The following RASAL2 variants were observed in gnomAD, a reference collection of about 807,000 sequenced individuals.
The protein encoded by RASAL2 is RAS protein activator like 2, also known as ras GTPase-activating protein nGAP.
In RASAL2, 58 loss-of-function variants were observed where a neutral mutation model predicts 128.9. The observed-to-expected ratio is 0.45, with a 90% CI of 0.36 to 0.56. The LOEUF is 0.56. RASAL2 is among the 20% of genes least tolerant of loss of function. The pLI, the probability that RASAL2 is intolerant of heterozygous loss-of-function variation, is 0.00. For synonymous variants in RASAL2, 561 were observed against 580.8 expected, an observed-to-expected ratio of 0.97 and a Z score of 0.49; for missense variants, 1,360 against 1,601.6, an observed-to-expected ratio of 0.85 and a Z score of 2.57.
At chr1:178,191,461 A>T (rs1453587591) in intron 1 of RASAL2, among the ~76,000 whole-genome samples, 1 of 152,206 alleles carries the variant, frequency 6.6e-6, no homozygotes, top group Non-Finnish European at 1.5e-5. Flanking sequence ...CTCTATTATT[A>T]TATCCATCTT....
chr1:178,213,920 C>G (rs968377569), intron 1 of RASAL2, among the ~76,000 whole-genome samples: 4 of 151,640 alleles, frequency 2.6e-5, no homozygotes, highest in African/African-American at 4.8e-5. Context: ...AACACAAACC[C>G]TGAAAAGAAT....
At chr1:178,110,960 G>T (rs1349532789) in intron 1 of RASAL2, among the ~76,000 whole-genome samples, 1 of 151,456 alleles carries the variant, frequency 6.6e-6, no homozygotes, top group Non-Finnish European at 1.5e-5. Flanking sequence ...TTCTTTTTAC[G>T]GAATATTTTT....
At chr1:178,168,673 G>A (rs1661599302) in intron 1 of RASAL2, among the ~76,000 whole-genome samples, 1 of 152,080 alleles carries the variant, frequency 6.6e-6, no homozygotes, top group African/African-American at 2.4e-5. Context: ...CTGTGTGTTT[G>A]TGAGACTTTT....
At chr1:178,286,001 C>T (rs1667007214) in intron 2 of RASAL2, among the ~76,000 whole-genome samples, 3 of 152,142 alleles carry the variant, frequency 2.0e-5, no homozygotes, top group Non-Finnish European at 4.4e-5. Context: ...TGTCCTTTAT[C>T]CCTTTTTATA....
intron 1 of RASAL2, among the ~76,000 whole-genome samples, chr1:178,248,993 T>C (rs1010158982): frequency 1.3e-5 from 2 of 152,210 alleles, no homozygotes; most frequent in African/African-American, 2.4e-5. Flanking sequence ...ATTTCAACTT[T>C]GGAGAATCTG....
chr1:178,406,093 AC>A (rs1673982557), intron 4 of RASAL2, among the ~76,000 whole-genome samples: 1 of 152,104 alleles, frequency 6.6e-6, no homozygotes, highest in African/African-American at 2.4e-5. Flanking sequence ...TGAATTTCCA[AC>A]CAAGCTTTTA....
At chr1:178,243,195 A>G (rs1246831626) in intron 1 of RASAL2, among the ~76,000 whole-genome samples, 3 of 152,034 alleles carry the variant, frequency 2.0e-5, no homozygotes, top group Admixed American at 1.3e-4. Context: ...TTCCAGTGAC[A>G]ATTTAATTTT....
intron 1 of RASAL2, among the ~76,000 whole-genome samples, chr1:178,212,457 G>A (rs1016585487): frequency 2.6e-5 from 4 of 152,108 alleles, no homozygotes; most frequent in Admixed American, 6.6e-5. Flanking sequence ...AATAAACAAC[G>A]CGAAGGAAGT....
chr1:178,146,353 G>C (rs1014405112), intron 1 of RASAL2, among the ~76,000 whole-genome samples: 4 of 152,224 alleles, frequency 2.6e-5, no homozygotes, highest in Non-Finnish European at 5.9e-5. Flanking sequence ...TGACGTAGGC[G>C]AAGCCTTGCA....
At chr1:178,292,425 C>T (rs541583512) in intron 2 of RASAL2, among the ~76,000 whole-genome samples, 1 of 152,214 alleles carries the variant, frequency 6.6e-6, no homozygotes, top group South Asian at 2.1e-4. Context: ...TTAAATATTC[C>T]AATGACCAAT....
intron 3 of RASAL2, among the ~76,000 whole-genome samples, chr1:178,332,033 C>T (rs1042536710): frequency 1.3e-5 from 2 of 152,088 alleles, no homozygotes; most frequent in African/African-American, 4.8e-5. Flanking sequence ...TCATTAATTT[C>T]AGTTTACATG....
chr1:178,221,715 A>G (rs550418908), intron 1 of RASAL2, among the ~76,000 whole-genome samples: 2 of 152,270 alleles, frequency 1.3e-5, no homozygotes, highest in African/African-American at 4.8e-5. Flanking sequence ...TGAGCTTGAG[A>G]AGAATGTGTG....
chr1:178,155,043 G>A (rs1473438931), intron 1 of RASAL2, among the ~76,000 whole-genome samples: 1 of 152,038 alleles, frequency 6.6e-6, no homozygotes, highest in Non-Finnish European at 1.5e-5. Flanking sequence ...GGCTGGTCTT[G>A]AACTCCTGAC....
Position 178,226,933 on chromosome 1 carries a change from GTC to G in RASAL2, c.203-56628_203-56627del, listed in dbSNP as rs140268875. Among the ~76,000 whole-genome samples the G allele has an allele frequency of 6.2e-3, 948 of 152,206 alleles. 13 individuals are homozygous for G. The highest frequency in any genetic ancestry group is 0.021 in the African/African-American group (891 of 41,556). ...CCAGCCTAGGTGACAGAATGAGACT[GTC>G]TCAGAAAACAAACAGACAAACAAAC... On this transcript the variant is annotated intron_variant, in intron 1 of 17. Coordinates refer to ENST00000367649, the MANE Select transcript of RASAL2 (RefSeq NM_170692.4).
intron 3 of RASAL2, among the ~76,000 whole-genome samples, chr1:178,335,142 AT>A (rs897842931): frequency 1.3e-5 from 2 of 151,210 alleles, no homozygotes; most frequent in African/African-American, 2.4e-5. Context: ...CCACAGATCA[AT>A]TTTTTTTTCC....
At chr1:178,261,963 A>G (rs757349615) in intron 1 of RASAL2, among the ~76,000 whole-genome samples, 1 of 151,654 alleles carries the variant, frequency 6.6e-6, no homozygotes, top group Admixed American at 6.6e-5. Flanking sequence ...AAAAATCTAT[A>G]TCATGAAGTT....
chr1:178,162,508 A>T (rs1571567013), intron 1 of RASAL2, among the ~76,000 whole-genome samples: 1 of 129,426 alleles, frequency 7.7e-6, no homozygotes, highest in South Asian at 2.2e-4. Context: ...TTTATATTAT[A>T]TATATTTTAT....
chr1:178,462,904 C>G (rs1159311480), intron 14 of RASAL2, among the ~76,000 whole-genome samples: 1 of 152,118 alleles, frequency 6.6e-6, no homozygotes, highest in Non-Finnish European at 1.5e-5. Context: ...TAAACCAGAT[C>G]TTTCTTCACA....
intron 5 of RASAL2, among the ~76,000 whole-genome samples, chr1:178,430,554 A>G (rs564531018): frequency 6.6e-6 from 1 of 152,240 alleles, no homozygotes; most frequent in South Asian, 2.1e-4. Flanking sequence ...CTGCAAAAAA[A>G]GCTGTGTGTC....
Sources: gnomAD v4.1 joint callset for allele counts (sites outside exome capture counted in the v4.1 genomes callset) on GRCh38, gnomAD v4.1.1 for gene constraint, MANE v1.5 for transcripts, NCBI Gene and HGNC (gene_info 2026-07-23, HGNC 2026-07-21) for gene names.